The following EYA4 variants were observed in gnomAD, a reference collection of about 807,000 sequenced individuals.
EYA4 encodes EYA transcriptional coactivator and phosphatase 4.
In EYA4, 31 loss-of-function variants were observed where a neutral mutation model predicts 87.9. The observed-to-expected ratio is 0.35, with a 90% CI of 0.27 to 0.48. EYA4 has a LOEUF of 0.48. Ranked by LOEUF, EYA4 falls within the 20% of genes least tolerant of loss-of-function variation. The pLI, the probability that EYA4 is intolerant of heterozygous loss-of-function variation, is 0.99. For missense variants in EYA4, 678 were observed against 761.4 expected, an observed-to-expected ratio of 0.89 and a Z score of 1.29; for synonymous variants, 263 against 270.6, an observed-to-expected ratio of 0.97 and a Z score of 0.28.
intron 2 of EYA4, among the ~76,000 whole-genome samples, chr6:133,297,637 G>C (rs1352759781): frequency 6.6e-6 from 1 of 152,140 alleles, no homozygotes. Context: ...TAATCCTACA[G>C]AATTTTCACG....
At chr6:133,525,620 G>T (rs984776536) in intron 19 of EYA4, among the ~76,000 whole-genome samples, 1 of 152,034 alleles carries the variant, frequency 6.6e-6, no homozygotes, top group South Asian at 2.1e-4. Context: ...ATGAGCCAGG[G>T]GATCTGCAAG....
At position 133,421,744 on chromosome 6, in the gene EYA4, A is replaced by G. The variant is rs567191211; in HGVS notation, c.84-24886A>G. 2.2e-4 allele frequency among the ~76,000 whole-genome samples: 33 copies of G among 152,352 alleles called. No homozygotes were observed. The East Asian group carries it at 6.4e-3, about 29-fold the overall frequency. ...TAGAAGGTGTTTTGCCTATAAAACCATTCACATAATCAAAAGCTGAAGTGT... is the reference window on the plus strand; with the variant it reads ...TAGAAGGTGTTTTGCCTATAAAACCGTTCACATAATCAAAAGCTGAAGTGT... On this transcript the variant is annotated intron_variant, in intron 3 of 19. Coordinates refer to ENST00000355286, the MANE Select transcript of EYA4 (RefSeq NM_004100.5).
intron 3 of EYA4, among the ~76,000 whole-genome samples, chr6:133,394,338 C>A (rs1583162865): frequency 8.8e-6 from 1 of 113,758 alleles, no homozygotes; most frequent in African/African-American, 3.9e-5. Context: ...ATGATTTAAT[C>A]CACTCTTAAA....
Position 133,512,970 on chromosome 6 carries a change from T to A in EYA4, c.1433T>A (p.Met478Lys). The change falls in exon 16 of 20, where the codon ATG becomes AAG. Residue 478 changes from methionine to lysine, a missense_variant. By Grantham distance (95) the Met-to-Lys change is moderately conservative (BLOSUM62 -1). Transcript: ENST00000355286. ...GGTGTAAGAGGAGGGGTTGACTGGA[T>A]GAGGAAGTTGGCTTTTCGTTACAGA... ...PTGVRGGVDW[M>K]RKLAFRYRRV... The A allele has an allele frequency of 2.5e-6, 4 of 1,614,098 alleles. No homozygotes were observed. The highest frequency in any genetic ancestry group is 3.4e-6 in the Non-Finnish European group (4 of 1,179,978).
chr6:133,249,587 ACT>A (rs2128227823), intron 1 of EYA4, among the ~76,000 whole-genome samples: 1 of 151,750 alleles, frequency 6.6e-6, no homozygotes, highest in East Asian at 1.9e-4. Flanking sequence ...ACTCACAACA[ACT>A]CTCTTTTCCA....
intron 2 of EYA4, among the ~76,000 whole-genome samples, chr6:133,301,176 T>G (rs2128314118): frequency 6.6e-6 from 1 of 152,344 alleles, no homozygotes; most frequent in East Asian, 1.9e-4. Context: ...ATTATAATCA[T>G]AAGAGTATAT....
chr6:133,306,123 C>T (rs1443630475), intron 2 of EYA4, among the ~76,000 whole-genome samples: 7 of 152,096 alleles, frequency 4.6e-5, no homozygotes, highest in East Asian at 3.9e-4. Flanking sequence ...CTTTTCTGTC[C>T]GATGTAGACA....
At chr6:133,363,478 C>CT (rs71003637) in intron 2 of EYA4, 12,718 of 137,122 alleles carry the variant, frequency 0.093, 724 homozygotes, top group East Asian at 0.16. Context: ...CCTTGTAACT[C>CT]TTTTTTTTTT....
At chr6:133,281,036 G>A (rs1777582026) in intron 2 of EYA4, among the ~76,000 whole-genome samples, 1 of 152,090 alleles carries the variant, frequency 6.6e-6, no homozygotes, top group Admixed American at 6.6e-5. Flanking sequence ...CTATGTTGTA[G>A]CATGAATCAG....
At chr6:133,477,214 G>C (rs988993593) in intron 11 of EYA4, among the ~76,000 whole-genome samples, 2 of 151,972 alleles carry the variant, frequency 1.3e-5, no homozygotes, top group Non-Finnish European at 2.9e-5. Flanking sequence ...CTAAATGGCT[G>C]TGCTAATTTA....
At chr6:133,373,947 A>G (rs1221588731) in intron 2 of EYA4, among the ~76,000 whole-genome samples, 1 of 152,042 alleles carries the variant, frequency 6.6e-6, no homozygotes, top group African/African-American at 2.4e-5. Flanking sequence ...TTAAAAAGTA[A>G]TGTGTTACCT....
intron 3 of EYA4, among the ~76,000 whole-genome samples, chr6:133,420,458 G>A (rs1301550039): frequency 6.6e-6 from 1 of 152,182 alleles, no homozygotes; most frequent in East Asian, 1.9e-4. Flanking sequence ...GTTAGGACAA[G>A]AGCTGTTTTT....
chr6:133,297,165 C>A (rs141688202), intron 2 of EYA4, among the ~76,000 whole-genome samples: 2 of 152,260 alleles, frequency 1.3e-5, no homozygotes, highest in East Asian at 3.9e-4. Flanking sequence ...TGTCTACACA[C>A]ATGATTTCTT....
intron 2 of EYA4, among the ~76,000 whole-genome samples, chr6:133,284,031 G>T (rs369968507): frequency 6.6e-6 from 1 of 152,286 alleles, no homozygotes; most frequent in South Asian, 2.1e-4. Flanking sequence ...TGTTAAACAC[G>T]TGAACTCACC....
At chr6:133,481,388 G>A in intron 11 of EYA4, 75 bp from the exon 12 acceptor site, 2 of 1,396,846 alleles carry the variant, frequency 1.4e-6, no homozygotes, top group South Asian at 1.2e-5. Flanking sequence ...AATTTGTTAA[G>A]ATAATTAATA....
chr6:133,323,941 CTT>C (rs1348217315), intron 2 of EYA4, among the ~76,000 whole-genome samples: 1 of 152,048 alleles, frequency 6.6e-6, no homozygotes, highest in Non-Finnish European at 1.5e-5. Context: ...GGTGGTCACT[CTT>C]ATTTCTCACA....
At chr6:133,444,967 G>A (rs141583398) in intron 3 of EYA4, among the ~76,000 whole-genome samples, 16 of 152,218 alleles carry the variant, frequency 1.1e-4, no homozygotes, top group African/African-American at 2.2e-4. Context: ...GTTTGAGTTC[G>A]AGTGTGCCAT....
chr6:133,439,049 C>CAAAAAAAACAAAAAAAAAAAAAAAAAAAA (rs1791995649), intron 3 of EYA4, among the ~76,000 whole-genome samples: 1 of 64,024 alleles, frequency 1.6e-5, no homozygotes, highest in Non-Finnish European at 2.6e-5. Flanking sequence ...GACTCCGTCT[C>CAAAAAAAACAAAAAAAAAAAAAAAAAAAA]AAAAAAAAAA....
At position 133,482,979 on chromosome 6, in the gene EYA4, A is replaced by C. The variant is rs1796348400; in HGVS notation, c.1108-53A>C. 7.2e-6 allele frequency: 10 copies of C among 1,390,484 alleles called. No homozygotes were observed. In the South Asian group the frequency reaches 1.2e-4, roughly 16 times the overall value. 86.1% of individuals were successfully genotyped at this position (1,390,484 alleles called of 1,614,324 possible). ...GGAGACATTTTCTGCTTGTAAAGAG[A>C]TTTCTGTTTCCTTGGACTTTTTAAT... On this transcript the variant is annotated intron_variant, in intron 12 of 19. Coordinates refer to ENST00000355286, the MANE Select transcript of EYA4 (RefSeq NM_004100.5).
Sources: allele counts gnomAD v4.1 joint callset (sites outside exome capture counted in the v4.1 genomes callset), GRCh38; gene constraint gnomAD v4.1.1; transcripts MANE v1.5; gene names NCBI Gene and HGNC (gene_info 2026-07-23, HGNC 2026-07-21).